KLF8: variants seen among roughly 807,000 people sequenced by gnomAD.
KLF8 encodes the protein Krueppel-like factor 8.
KLF8 carries 10 observed loss-of-function variants against 18.2 expected under a neutral mutation model. The observed-to-expected ratio is 0.55, with a 90% CI of 0.34 to 0.93. The LOEUF (loss-of-function observed/expected upper bound fraction) is 0.93. Ranked by LOEUF, KLF8 falls within the 40% of genes least tolerant of loss-of-function variation. The pLI is 0.02. For synonymous variants in KLF8, 109 were observed against 97.3 expected (o/e 1.12, Z -0.71); for missense variants, 264 against 277.9 (o/e 0.95, Z 0.36).
the KLF8 span, among the ~76,000 whole-genome samples, chrX:56,169,082 C>A: frequency 9.0e-6 from 1 of 111,215 alleles, no homozygotes; most frequent in South Asian, 3.8e-4. Flanking sequence ...CATTTGTAGC[C>A]GCACTCTGTG....
chrX:56,049,770 T>G, the KLF8 span, among the ~76,000 whole-genome samples: 1 of 110,810 alleles, frequency 9.0e-6, no homozygotes, highest in Non-Finnish European at 1.9e-5. Flanking sequence ...ATCAAAATGA[T>G]GCTGGCCTCA....
At chrX:56,269,259 A>T in intron 3 of KLF8, 119 bp from the exon 4 acceptor site, 2 of 1,043,207 alleles carry the variant, frequency 1.9e-6, no homozygotes, top group Non-Finnish European at 2.5e-6. Context: ...CTTGTTTTTT[A>T]TTTCTTTATT....
chrX:56,046,232 G>C, the KLF8 span, among the ~76,000 whole-genome samples: 13 of 111,586 alleles, frequency 1.2e-4, no homozygotes, highest in African/African-American at 3.9e-4. Flanking sequence ...TTGATATGCT[G>C]TTCAATATTG....
chrX:56,276,949 T>C (rs945176396), intron 5 of KLF8, among the ~76,000 whole-genome samples: 1 of 111,785 alleles, frequency 8.9e-6, no homozygotes, highest in Admixed American at 9.5e-5. Context: ...TATTCTTTTG[T>C]CTCCTCTCTA....
the KLF8 span, among the ~76,000 whole-genome samples, chrX:56,110,611 G>T: frequency 1.7e-3 from 194 of 111,141 alleles, no homozygotes; most frequent in African/African-American, 6.1e-3. Flanking sequence ...TGTTTCCTGT[G>T]TATATCTTAG....
chrX:56,125,071 A>G, the KLF8 span, among the ~76,000 whole-genome samples: 1 of 112,008 alleles, frequency 8.9e-6, no homozygotes, highest in East Asian at 2.8e-4. Context: ...CCTTCATTAC[A>G]TTAGTATGGA....
At chrX:56,009,852 A>C in the KLF8 span, among the ~76,000 whole-genome samples, 2 of 112,497 alleles carry the variant, frequency 1.8e-5, no homozygotes. Context: ...ACCAGAGGAA[A>C]GAATTTCAGA....
the KLF8 span, among the ~76,000 whole-genome samples, chrX:55,946,573 T>C: frequency 1.8e-5 from 2 of 111,645 alleles, no homozygotes; most frequent in African/African-American, 6.5e-5. Flanking sequence ...GACATAGGCA[T>C]GGGCAAGGAC....
the KLF8 span, among the ~76,000 whole-genome samples, chrX:55,943,349 CA>C: frequency 1.8e-5 from 2 of 109,929 alleles, no homozygotes; most frequent in Admixed American, 2.0e-4. Flanking sequence ...TTAGATTACC[CA>C]AAGAAAGGGT....
chrX:55,981,564 A>T, the KLF8 span, among the ~76,000 whole-genome samples: 1 of 112,401 alleles, frequency 8.9e-6, no homozygotes. Flanking sequence ...TCCTTCTTGC[A>T]CAAGGATTAT....
chrX:56,129,322 C>T, the KLF8 span, among the ~76,000 whole-genome samples: 2 of 111,691 alleles, frequency 1.8e-5, no homozygotes, highest in Non-Finnish European at 3.8e-5. Context: ...CTGCAGGACC[C>T]GGGAGATAGC....
chrX:56,101,153 G>A, the KLF8 span, among the ~76,000 whole-genome samples: 2 of 111,373 alleles, frequency 1.8e-5, no homozygotes, highest in South Asian at 3.7e-4. Context: ...TCCAGTGTCT[G>A]TTGTTCCCAT....
At chrX:55,979,089 CGAGAGA>C in the KLF8 span, among the ~76,000 whole-genome samples, 2 of 107,485 alleles carry the variant, frequency 1.9e-5, no homozygotes, top group African/African-American at 3.4e-5. Context: ...GCATATAGGG[CGAGAGA>C]GAGAGAGAGA....
the KLF8 span, among the ~76,000 whole-genome samples, chrX:56,202,981 T>C: frequency 1.8e-5 from 2 of 111,141 alleles, no homozygotes; most frequent in African/African-American, 6.5e-5. Context: ...GCTCTGTTTT[T>C]AGATTTGGAG....
the KLF8 span, among the ~76,000 whole-genome samples, chrX:56,121,404 C>G: frequency 1.1e-3 from 126 of 110,846 alleles, no homozygotes; most frequent in African/African-American, 3.9e-3. Context: ...GGAAAGAGAA[C>G]GTTTCTGAGT....
At chrX:55,996,918 G>A in the KLF8 span, among the ~76,000 whole-genome samples, 2 of 112,218 alleles carry the variant, frequency 1.8e-5, no homozygotes, top group Admixed American at 1.9e-4. Flanking sequence ...GCGTGCTAGT[G>A]GGGCAGGGCA....
the KLF8 span, among the ~76,000 whole-genome samples, chrX:56,079,162 A>G: frequency 6.3e-5 from 7 of 110,557 alleles, no homozygotes; most frequent in African/African-American, 2.3e-4. Flanking sequence ...CTCTGATTTT[A>G]GTTATTTCTT....
chrX:56,025,080 C>A, the KLF8 span, among the ~76,000 whole-genome samples: 1 of 112,254 alleles, frequency 8.9e-6, no homozygotes, highest in African/African-American at 3.2e-5. Flanking sequence ...AATTCTTGGG[C>A]TTCCCATGGC....
the KLF8 span, among the ~76,000 whole-genome samples, chrX:56,177,541 C>A: frequency 9.0e-6 from 1 of 111,009 alleles, no homozygotes; most frequent in Non-Finnish European, 1.9e-5. Context: ...TTAGGCTACT[C>A]GGGGGTCAGG....
Sources: gnomAD v4.1 joint callset for allele counts (sites outside exome capture counted in the v4.1 genomes callset) on GRCh38, gnomAD v4.1.1 for gene constraint, MANE v1.5 for transcripts, NCBI Gene and HGNC (gene_info 2026-07-23, HGNC 2026-07-21) for gene names.